EPS15L1: variants seen among roughly 807,000 people sequenced by gnomAD.
The protein encoded by EPS15L1 is epidermal growth factor receptor substrate 15-like 1.
EPS15L1 carries 43 observed loss-of-function variants against 117.1 expected under a neutral mutation model. The observed-to-expected ratio is 0.37, with a 90% CI of 0.29 to 0.47. The LOEUF is 0.47. Ranked by LOEUF, EPS15L1 falls within the 20% of genes least tolerant of loss-of-function variation. The probability of loss-of-function intolerance (pLI) is 0.99; values close to 1 mark genes in which losing one functional copy is unlikely to be tolerated. For synonymous variants in EPS15L1, 459 were observed against 470.5 expected (o/e 0.98, Z 0.32); for missense variants, 981 against 1,164.0 (o/e 0.84, Z 2.29).
chr19:16,414,585 G>A (rs1428242707), intron 12 of EPS15L1, among the ~76,000 whole-genome samples: 1 of 152,064 alleles, frequency 6.6e-6, no homozygotes, highest in Non-Finnish European at 1.5e-5. Flanking sequence ...ATTTTCAGTA[G>A]AGACGGGGTT....
rs937611746 is a variant in EPS15L1 at position 16,471,967 on chromosome 19, G to T, written c.-22C>A. ...CCATCTTCCCGCGGACTCGGGCTCCGAGCGCCGGGGGAACGGGGGCGGGGC... is the reference window on the plus strand; with the variant it reads ...CCATCTTCCCGCGGACTCGGGCTCCTAGCGCCGGGGGAACGGGGGCGGGGC... On this transcript the variant is annotated 5_prime_UTR_variant, in exon 1 of 24. Coordinates refer to ENST00000455140, the MANE Select transcript of EPS15L1 (RefSeq NM_001258374.3). This position sits in a 1 kb window ranked among gnomAD's most constrained non-coding sequence, Gnocchi z 4.8. 56 of 1,279,886 alleles carry T rather than the reference G, an allele frequency of 4.4e-5. No individual in the cohort carries two copies. The highest frequency in any genetic ancestry group is 9.9e-5 in the South Asian group (4 of 40,212). 79.3% of individuals were successfully genotyped at this position (1,279,886 alleles called of 1,614,324 possible). A position where few individuals can be genotyped will look rare whatever the true frequency, so the allele number is the denominator to read the frequency against.
chr19:16,459,833 G>A (rs904887736), intron 1 of EPS15L1, among the ~76,000 whole-genome samples: 1 of 152,176 alleles, frequency 6.6e-6, no homozygotes, highest in Admixed American at 6.5e-5. Flanking sequence ...AGTTGCAGGT[G>A]TAAAATCACA....
Position 16,418,997 on chromosome 19 carries a change from C to T in EPS15L1, c.951-893G>A, listed in dbSNP as rs113029344. The stretch of plus-strand genomic sequence containing the variant: ...ACACTCCTCTTGTGCCCAAATGAGG[C>T]TGCCACAGGGGCATGGCCACAATGC... On this transcript the variant is annotated intron_variant, in intron 10 of 23. Coordinates refer to ENST00000455140, the MANE Select transcript of EPS15L1 (RefSeq NM_001258374.3). Among the ~76,000 whole-genome samples the T allele has an allele frequency of 5.5e-3, 833 of 152,358 alleles. 4 individuals carry two copies. Among genetic ancestry groups the T allele is most frequent in the Non-Finnish European group, 9.6e-3 (654 of 68,030 alleles).
At chr19:16,375,071 T>C (rs780453755) in intron 22 of EPS15L1, among the ~76,000 whole-genome samples, 1 of 152,222 alleles carries the variant, frequency 6.6e-6, no homozygotes, top group Non-Finnish European at 1.5e-5. Flanking sequence ...TGTGAGTGCA[T>C]GCTGCTCATC....
chr19:16,412,901 T>A lies in EPS15L1; in HGVS notation c.1266+872A>T, dbSNP rs1037047519. On this transcript the variant is annotated intron_variant, in intron 13 of 23. Coordinates refer to ENST00000455140, the MANE Select transcript of EPS15L1 (RefSeq NM_001258374.3). Reference sequence around the variant, plus strand: ...ATGCCCATCACCAAGCTGGGCCGCCTGGTCAAGGACATGAAGATCAAGTCC... The same window carrying A: ...ATGCCCATCACCAAGCTGGGCCGCCAGGTCAAGGACATGAAGATCAAGTCC... 3 of 630,250 alleles carry A rather than the reference T, an allele frequency of 4.8e-6. No homozygotes were observed. The African/African-American group carries it at 5.4e-5, about 11-fold the overall frequency. 39.0% of individuals were successfully genotyped at this position (630,250 alleles called of 1,614,324 possible).
chr19:16,436,993 T>C lies in EPS15L1; in HGVS notation c.316A>G (p.Thr106Ala), dbSNP rs773281112. 1.9e-6 allele frequency: 3 copies of C among 1,613,990 alleles called. No individual in the cohort carries two copies. Among genetic ancestry groups the C allele is most frequent in the Non-Finnish European group, 2.5e-6 (3 of 1,179,898 alleles). ...GGTGTGACCATCAGAGGGCTGCTGG[T>C]GTCGTGCTGAGAAGAGAGAGAAACA... is the stretch of plus-strand genomic sequence containing the variant. The part of the protein sequence containing the change: ...LSMPPPKFHD[T>A]SSPLMVTPPS... The change falls in exon 6 of 24, where the codon ACC becomes GCC. Residue 106 changes from threonine (T) to alanine (A), a missense_variant. Around this residue, in one of 5 missense-constraint regions of EPS15L1, gnomAD observed 52 missense variants for 53.1 expected, o/e 0.98. Coordinates refer to ENST00000455140, the MANE Select transcript of EPS15L1 (RefSeq NM_001258374.3).
chr19:16,425,414 G>A, intron 8 of EPS15L1, 98 bp from the exon 9 acceptor site: 1 of 812,500 alleles, frequency 1.2e-6, no homozygotes. Flanking sequence ...GCAGTGACAG[G>A]ACACTCTGTC....
rs143484833 is a variant in EPS15L1, at chr19:16,392,288, G to A, written c.2103+16C>T. The A allele has an allele frequency of 1.0e-4, 163 of 1,613,826 alleles. No individual in the cohort carries two copies. Among genetic ancestry groups the A allele is most frequent in the East Asian group, 2.2e-4 (10 of 44,878 alleles). On this transcript the variant is annotated intron_variant, in intron 19 of 23. Coordinates refer to ENST00000455140, the MANE Select transcript of EPS15L1 (RefSeq NM_001258374.3). ...CAGGCACGCAGCTCTCCCGGGCAACGTCCCACCCCACTCACCTTCGAAGGT... is the reference window on the plus strand; with the variant it reads ...CAGGCACGCAGCTCTCCCGGGCAACATCCCACCCCACTCACCTTCGAAGGT...
rs150235060 is a variant in EPS15L1 at position 16,377,707 on chromosome 19, C to T, written c.2248-453G>A. Among the ~76,000 whole-genome samples, 1,037 of 152,354 alleles carry T rather than the reference C, an allele frequency of 6.8e-3. 7 individuals are homozygous for T. Among genetic ancestry groups the T allele is most frequent in the Non-Finnish European group, 0.011 (777 of 68,034 alleles). On this transcript the variant is annotated intron_variant, in intron 21 of 23. Coordinates refer to ENST00000455140, the MANE Select transcript of EPS15L1 (RefSeq NM_001258374.3). Reference sequence around the variant, plus strand: ...TCCCCACTGAGCTGGCCGGTGTGGTCACTGCCTTCAGTTAGTGATGGACAG... The same window carrying T: ...TCCCCACTGAGCTGGCCGGTGTGGTTACTGCCTTCAGTTAGTGATGGACAG...
At chr19:16,470,118 A>C (rs2093335923) in intron 1 of EPS15L1, among the ~76,000 whole-genome samples, 1 of 152,198 alleles carries the variant, frequency 6.6e-6, no homozygotes, top group African/African-American at 2.4e-5. Flanking sequence ...GCAGTGGCTA[A>C]CGCCTGTAAT....
chr19:16,448,026 C>T (rs1179852852), intron 1 of EPS15L1, among the ~76,000 whole-genome samples: 1 of 152,184 alleles, frequency 6.6e-6, no homozygotes, highest in Admixed American at 6.5e-5. Flanking sequence ...ACAAAGGGCA[C>T]TGGAGCAATC....
chr19:16,364,957 T>A (rs902876281), intron 22 of EPS15L1, among the ~76,000 whole-genome samples: 1 of 152,196 alleles, frequency 6.6e-6, no homozygotes, highest in Non-Finnish European at 1.5e-5. Context: ...CTTGAGGGCT[T>A]CTCCCGCTTG....
intron 23 of EPS15L1, among the ~76,000 whole-genome samples, chr19:16,358,773 CCATT>C (rs766322142): frequency 6.6e-6 from 1 of 152,240 alleles, no homozygotes; most frequent in Non-Finnish European, 1.5e-5. Flanking sequence ...TAGCCACTTC[CCATT>C]CATTCATTTA....
At chr19:16,446,770 C>T (rs1043618215) in intron 1 of EPS15L1, among the ~76,000 whole-genome samples, 1 of 152,100 alleles carries the variant, frequency 6.6e-6, no homozygotes, top group Non-Finnish European at 1.5e-5. Flanking sequence ...TCCGTGATGA[C>T]GTGCTGGAGC....
intron 22 of EPS15L1, among the ~76,000 whole-genome samples, chr19:16,362,881 C>G (rs1214417409): frequency 1.3e-5 from 2 of 152,118 alleles, no homozygotes; most frequent in Non-Finnish European, 2.9e-5. Context: ...TTTATCTGGG[C>G]CTTTCTGGGC....
At chr19:16,414,547 C>T (rs1188616864) in intron 12 of EPS15L1, among the ~76,000 whole-genome samples, 4 of 151,836 alleles carry the variant, frequency 2.6e-5, no homozygotes, top group Non-Finnish European at 4.4e-5. Flanking sequence ...ACTACAGGCA[C>T]GTGCCACCAC....
chr19:16,453,949 T>A (rs1369571888), intron 1 of EPS15L1, among the ~76,000 whole-genome samples: 1 of 150,900 alleles, frequency 6.6e-6, no homozygotes, highest in Non-Finnish European at 1.5e-5. Flanking sequence ...TGGCACAAGC[T>A]GCGTCAGGTT....
chr19:16,361,636 A>G (rs2092052476), intron 23 of EPS15L1, 143 bp downstream of exon 23: 1 of 1,392,756 alleles, frequency 7.2e-7, no homozygotes, highest in Non-Finnish European at 9.3e-7. Flanking sequence ...GCAGTGTAGA[A>G]TAAATAACGC....
At chr19:16,397,737 A>C (rs2092555092) in intron 16 of EPS15L1, among the ~76,000 whole-genome samples, 1 of 152,128 alleles carries the variant, frequency 6.6e-6, no homozygotes, top group Non-Finnish European at 1.5e-5. Flanking sequence ...CATTTAAACG[A>C]GAAGAAAAAA....
Sources: gnomAD v4.1 joint callset for allele counts (sites outside exome capture counted in the v4.1 genomes callset) on GRCh38, gnomAD v4.1.1 for gene constraint, gnomAD v4.1.1 regional missense constraint, Gnocchi (gnomAD v3.1) non-coding constraint, MANE v1.5 for transcripts, NCBI Gene and HGNC (gene_info 2026-07-23, HGNC 2026-07-21) for gene names.